The following PHF8 variants were observed in gnomAD, a reference collection of about 807,000 sequenced individuals.
PHF8 encodes PHD finger protein 8.
A neutral mutation model predicts 74.4 loss-of-function variants in PHF8; 9 were observed. That is an observed-to-expected ratio of 0.12 (90% CI 0.07 to 0.21). The LOEUF (loss-of-function observed/expected upper bound fraction) is 0.21. Ranked by LOEUF, PHF8 falls within the 10% of genes least tolerant of loss-of-function variation. The pLI is 1.00. For missense variants in PHF8, 478 were observed against 816.6 expected, an observed-to-expected ratio of 0.59 and a Z score of 5.05; for synonymous variants, 311 against 316.6, an observed-to-expected ratio of 0.98 and a Z score of 0.19.
intron 19 of PHF8, 66 bp from the exon 20 acceptor site, chrX:53,944,309 A>G (rs1557084499): frequency 1.3e-6 from 1 of 796,340 alleles, no homozygotes; most frequent in African/African-American, 2.0e-5. Context: ...CATATTCCCT[A>G]CCTCCAAGCT....
intron 2 of PHF8, among the ~76,000 whole-genome samples, chrX:54,030,746 T>G (rs1157233688): frequency 8.9e-6 from 1 of 112,154 alleles, no homozygotes; most frequent in Non-Finnish European, 1.9e-5. Context: ...TCACAGACAT[T>G]AAACACAGAA....
intron 18 of PHF8, among the ~76,000 whole-genome samples, chrX:53,976,077 G>A (rs1380951961): frequency 9.0e-6 from 1 of 110,780 alleles, no homozygotes; most frequent in African/African-American, 3.3e-5. Flanking sequence ...TACTTCGGGA[G>A]GCCAAGGAGG....
chrX:53,944,322 C>G (rs2064798948), intron 19 of PHF8, 79 bp from the exon 20 acceptor site: 2 of 717,781 alleles, frequency 2.8e-6, no homozygotes, highest in Admixed American at 4.9e-5. Flanking sequence ...TCCAAGCTCT[C>G]CAAAGGTACT....
intron 7 of PHF8, among the ~76,000 whole-genome samples, chrX:54,012,557 G>T (rs188986574): frequency 1.9e-3 from 208 of 111,425 alleles, no homozygotes; most frequent in Middle Eastern, 9.3e-3. Context: ...AGCACTTTGG[G>T]AGGTTGAGGC....
At chrX:53,993,297 T>C (rs2065696724) in intron 13 of PHF8, among the ~76,000 whole-genome samples, 1 of 111,906 alleles carries the variant, frequency 8.9e-6, no homozygotes, top group African/African-American at 3.2e-5. Flanking sequence ...CCCTCCTCTG[T>C]ATCTCAGGGT....
intron 2 of PHF8, among the ~76,000 whole-genome samples, chrX:54,036,177 C>T (rs1557114109): frequency 9.2e-6 from 1 of 108,378 alleles, no homozygotes; most frequent in Admixed American, 9.8e-5. Context: ...CACCATTAAC[C>T]AACAGTAGTT....
At chrX:53,959,140 C>G (rs905376109) in intron 19 of PHF8, among the ~76,000 whole-genome samples, 1 of 111,523 alleles carries the variant, frequency 9.0e-6, no homozygotes, top group Non-Finnish European at 1.9e-5. Context: ...GACCAGATGT[C>G]TCTATTGGTT....
At chrX:53,964,868 C>CAAAAAAAAAA (rs782274910) in intron 18 of PHF8, among the ~76,000 whole-genome samples, 4 of 37,736 alleles carry the variant, frequency 1.1e-4, no homozygotes, top group Admixed American at 3.5e-4. Context: ...AACTCTGCCT[C>CAAAAAAAAAA]AAAAAAAAAA....
In PHF8 at chrX:54,018,453, C is replaced by CT. The variant is rs781948184; in HGVS notation, c.294-633dup. The stretch of plus-strand genomic sequence containing the variant: ...CCTGGGTGACAGAGAGAGTCCCTGT[C>CT]TTTTTTTTTTTTTTTTTTTTAAAGA... On this transcript the variant is annotated intron_variant, in intron 4 of 21. Transcript: ENST00000338154. Among the ~76,000 whole-genome samples, 594 of 76,656 alleles carry CT rather than the reference C, an allele frequency of 7.7e-3. 3 individuals carry two copies. Among genetic ancestry groups the CT allele is most frequent in the South Asian group, 0.021 (31 of 1,458 alleles). The allele number at this position is 76,656 out of a possible 115,157, so 66.6% of individuals were successfully genotyped here.
intron 11 of PHF8, among the ~76,000 whole-genome samples, chrX:53,997,584 G>A (rs927947668): frequency 6.8e-4 from 76 of 111,370 alleles, no homozygotes; most frequent in African/African-American, 2.4e-3. Context: ...CAAATCATCT[G>A]CACTTCACAA....
At chrX:54,037,436 G>A (rs953162196) in intron 2 of PHF8, among the ~76,000 whole-genome samples, 6 of 111,061 alleles carry the variant, frequency 5.4e-5, no homozygotes, top group East Asian at 2.8e-4. Flanking sequence ...TTGTAGAGAC[G>A]GGGTTTTACC....
chrX:53,947,683 G>A (rs2064852017), intron 19 of PHF8, among the ~76,000 whole-genome samples: 1 of 112,213 alleles, frequency 8.9e-6, no homozygotes, highest in Admixed American at 9.4e-5. Flanking sequence ...AGGCTTATTT[G>A]CAAGCTATAG....
intron 19 of PHF8, among the ~76,000 whole-genome samples, chrX:53,958,553 G>T (rs782005301): frequency 9.6e-6 from 1 of 103,766 alleles, no homozygotes; most frequent in Non-Finnish European, 2.0e-5. Context: ...AGGCCGAGGC[G>T]GGCGGATCAC....
At chrX:54,039,352 G>A (rs1557115254) in intron 2 of PHF8, among the ~76,000 whole-genome samples, 1 of 111,498 alleles carries the variant, frequency 9.0e-6, no homozygotes, top group African/African-American at 3.3e-5. Context: ...AGCAAGAGCA[G>A]CCACCCCCAA....
At chrX:53,951,457 T>C (rs1363765319) in intron 19 of PHF8, among the ~76,000 whole-genome samples, 1 of 104,383 alleles carries the variant, frequency 9.6e-6, no homozygotes, top group Admixed American at 1.0e-4. Context: ...ACAACAGAAA[T>C]TTTTTTTTTT....
At chrX:53,940,587 T>A in intron 20 of PHF8, 71 bp from the exon 21 acceptor site, 1 of 752,840 alleles carries the variant, frequency 1.3e-6, no homozygotes, top group Non-Finnish European at 2.0e-6. Flanking sequence ...AGGAACTAAC[T>A]AGACAATGTC....
intron 18 of PHF8, among the ~76,000 whole-genome samples, chrX:53,966,485 C>T (rs1002235800): frequency 2.7e-5 from 3 of 112,908 alleles, no homozygotes; most frequent in Non-Finnish European, 3.8e-5. Flanking sequence ...CCGCCAGCCT[C>T]GGCCTCCGGA....
At chrX:53,982,777 C>T (rs888202354) in intron 18 of PHF8, among the ~76,000 whole-genome samples, 7 of 112,428 alleles carry the variant, frequency 6.2e-5, no homozygotes, top group African/African-American at 2.3e-4. Context: ...ATTCTAACCT[C>T]CCACAATTCA....
intron 5 of PHF8, 92 bp downstream of exon 5, chrX:54,017,569 A>G (rs1385436865): frequency 1.9e-5 from 15 of 792,910 alleles, no homozygotes; most frequent in Middle Eastern, 5.6e-4. Flanking sequence ...AGATGGTTAC[A>G]GAGGAAATGC....
Sources: allele counts gnomAD v4.1 joint callset (sites outside exome capture counted in the v4.1 genomes callset), GRCh38; gene constraint gnomAD v4.1.1; transcripts MANE v1.5; gene names NCBI Gene and HGNC (gene_info 2026-07-23, HGNC 2026-07-21).